The following ZFHX3 variants were observed in gnomAD, a reference collection of about 807,000 sequenced individuals.
ZFHX3 encodes the protein zinc finger homeobox 3, also known as zinc finger homeobox protein 3.
In ZFHX3, 42 loss-of-function variants were observed where a neutral mutation model predicts 279.1. The observed-to-expected ratio is 0.15, with a 90% CI of 0.12 to 0.19. The LOEUF (loss-of-function observed/expected upper bound fraction) is 0.19. Among genes scored for constraint, ZFHX3 ranks in the 10% least tolerant of loss-of-function variants. The probability of loss-of-function intolerance (pLI) is 1.00; values close to 1 mark genes in which losing one functional copy is unlikely to be tolerated. For synonymous variants in ZFHX3, 2,293 were observed against 1,957.8 expected, an observed-to-expected ratio of 1.17 and a Z score of -4.52; for missense variants, 4,981 against 4,754.0, an observed-to-expected ratio of 1.05 and a Z score of -1.40.
At position 73,670,414 on chromosome 16, in the gene ZFHX3, T is replaced by C. The variant is rs555680047; in HGVS notation, c.-1547+9766A>G. On this transcript the variant is annotated intron_variant, in intron 2 of 17. Transcript: ENST00000641206. Reference sequence around the variant, plus strand: ...CAGTTCCTAACTTTGTTGGCCAATATGGATTATTTGCAGTAAAACACTCAG... The same window carrying C: ...CAGTTCCTAACTTTGTTGGCCAATACGGATTATTTGCAGTAAAACACTCAG... Among the ~76,000 whole-genome samples the C allele has an allele frequency of 5.3e-5, 8 of 152,202 alleles. No individual in the cohort carries two copies. In the South Asian group the frequency reaches 1.4e-3, roughly 28 times the overall value.
chr16:73,675,502 A>G (rs564874531), intron 2 of ZFHX3, among the ~76,000 whole-genome samples: 1 of 152,222 alleles, frequency 6.6e-6, no homozygotes, highest in East Asian at 1.9e-4. Context: ...CTCTGTATCT[A>G]TATACCCCAG....
chr16:73,217,403 A>C (rs2012253020), intron 5 of ZFHX3, among the ~76,000 whole-genome samples: 1 of 152,178 alleles, frequency 6.6e-6, no homozygotes, highest in Non-Finnish European at 1.5e-5. Context: ...ATCTGAGTCA[A>C]ATAAGGAAGT....
intron 1 of ZFHX3, among the ~76,000 whole-genome samples, chr16:73,792,865 C>G (rs917737063): frequency 6.7e-5 from 10 of 148,708 alleles, no homozygotes; most frequent in Admixed American, 2.7e-4. Flanking sequence ...CACCCCCCCC[C>G]TCCCCTCTCT....
intron 2 of ZFHX3, among the ~76,000 whole-genome samples, chr16:73,470,015 T>G (rs973382339): frequency 3.9e-5 from 6 of 152,170 alleles, no homozygotes; most frequent in Non-Finnish European, 8.8e-5. Flanking sequence ...GGAGAATCAC[T>G]GCTCCAGAAT....
chr16:73,052,000 G>C (rs1231907526), upstream of ZFHX3, among the ~76,000 whole-genome samples: 1 of 152,186 alleles, frequency 6.6e-6, no homozygotes, highest in Non-Finnish European at 1.5e-5. Context: ...TTACAGGAGA[G>C]AGAGGCGCTT....
At chr16:73,142,133 T>C (rs1339995924) in intron 6 of ZFHX3, among the ~76,000 whole-genome samples, 1 of 152,210 alleles carries the variant, frequency 6.6e-6, no homozygotes, top group Non-Finnish European at 1.5e-5. Context: ...GTTCCCATTT[T>C]CTTTTACTTC....
chr16:73,562,270 A>C (rs16972183), intron 2 of ZFHX3, among the ~76,000 whole-genome samples: 2,222 of 152,250 alleles, frequency 0.015, 62 homozygotes, highest in African/African-American at 0.052. Flanking sequence ...TCTGAATTGC[A>C]AAGGGCCACA....
At chr16:72,941,649 T>C (rs1264608909) in intron 3 of ZFHX3, among the ~76,000 whole-genome samples, 1 of 147,648 alleles carries the variant, frequency 6.8e-6, no homozygotes, top group African/African-American at 2.6e-5. Context: ...TGAGACCCTG[T>C]TTCTATTTTT....
chr16:73,613,674 G>T (rs1172969154), intron 2 of ZFHX3, among the ~76,000 whole-genome samples: 2 of 152,218 alleles, frequency 1.3e-5, no homozygotes, highest in African/African-American at 4.8e-5. Context: ...CCTAAATGGA[G>T]TATTATAGCT....
chr16:73,157,562 C>T (rs899223998), intron 5 of ZFHX3, among the ~76,000 whole-genome samples: 2 of 148,576 alleles, frequency 1.3e-5, no homozygotes, highest in East Asian at 2.0e-4. Context: ...AAAAGGGGGT[C>T]GAGTCACTAT....
chr16:73,319,733 G>T (rs1383866057), intron 3 of ZFHX3, among the ~76,000 whole-genome samples: 6 of 152,146 alleles, frequency 3.9e-5, no homozygotes, highest in African/African-American at 1.4e-4. Flanking sequence ...ACAATTTATA[G>T]GTTTAAACGA....
At chr16:73,814,230 A>G (rs1960502781) in intron 1 of ZFHX3, among the ~76,000 whole-genome samples, 1 of 152,088 alleles carries the variant, frequency 6.6e-6, no homozygotes, top group African/African-American at 2.4e-5. Flanking sequence ...CACCCCCACC[A>G]TTGTCAACTG....
intron 1 of ZFHX3, among the ~76,000 whole-genome samples, chr16:73,044,059 C>A (rs776693232): frequency 3.9e-5 from 6 of 152,188 alleles, no homozygotes; most frequent in Non-Finnish European, 8.8e-5. Flanking sequence ...TTGGACAGAA[C>A]AGGCGCCCTT....
At chr16:73,853,072 A>T (rs1304198015) in intron 1 of ZFHX3, among the ~76,000 whole-genome samples, 1 of 152,228 alleles carries the variant, frequency 6.6e-6, no homozygotes, top group Non-Finnish European at 1.5e-5. Flanking sequence ...AACACATGAA[A>T]CAACATTCAA....
Position 72,793,385 on chromosome 16 carries a change from C to T in ZFHX3, c.9297G>A (p.Gly3099=). 1 of 1,614,160 alleles carries T rather than the reference C, an allele frequency of 6.2e-7. No homozygotes were observed. Among genetic ancestry groups the T allele is most frequent in the East Asian group, 2.2e-5 (1 of 44,878 alleles). The change falls in exon 9 of 10, where the codon GGG becomes GGA. Residue 3099 remains glycine (G), a synonymous_variant. Transcript: ENST00000268489. This position sits in a 1 kb window ranked among gnomAD's most constrained non-coding sequence, Gnocchi z 4.3. Reference sequence around the variant, plus strand: ...CCTGAAGAGGGGTGTTGTCAAACATCCCTTGCTGCTGAGCTGCCAGTCCAA... The same window carrying T: ...CCTGAAGAGGGGTGTTGTCAAACATTCCTTGCTGCTGAGCTGCCAGTCCAA... ...EVLGLAAQQQ[G]MFDNTPLQAL...
At chr16:73,223,757 T>C (rs1385831506) in intron 5 of ZFHX3, among the ~76,000 whole-genome samples, 1 of 152,140 alleles carries the variant, frequency 6.6e-6, no homozygotes, top group Non-Finnish European at 1.5e-5. Flanking sequence ...CACACAGATG[T>C]TTATAACAGG....
intron 2 of ZFHX3, among the ~76,000 whole-genome samples, chr16:73,527,814 A>G (rs1292461753): frequency 6.6e-6 from 1 of 152,172 alleles, no homozygotes; most frequent in African/African-American, 2.4e-5. Context: ...GAACTTGGAA[A>G]TGGATCCTCC....
At chr16:73,558,707 CTCT>C (rs2020323940) in intron 2 of ZFHX3, among the ~76,000 whole-genome samples, 5 of 135,284 alleles carry the variant, frequency 3.7e-5, no homozygotes, top group Non-Finnish European at 8.0e-5. Flanking sequence ...AAGAAAATGA[CTCT>C]TTTTTTTTTT....
intron 4 of ZFHX3, among the ~76,000 whole-genome samples, chr16:72,835,301 G>T (rs1162467663): frequency 2.6e-5 from 4 of 152,106 alleles, no homozygotes; most frequent in African/African-American, 9.7e-5. Context: ...GCTCTGACAG[G>T]CGAGATGTGC....
Sources: gnomAD v4.1 joint callset for allele counts (sites outside exome capture counted in the v4.1 genomes callset) on GRCh38, gnomAD v4.1.1 for gene constraint, Gnocchi (gnomAD v3.1) non-coding constraint, MANE v1.5 for transcripts, NCBI Gene and HGNC (gene_info 2026-07-23, HGNC 2026-07-21) for gene names.